The following DLGAP2 variants were observed in gnomAD, a reference collection of about 807,000 sequenced individuals.
DLGAP2 encodes disks large-associated protein 2.
A neutral mutation model predicts 100.3 loss-of-function variants in DLGAP2; 26 were observed. That is an observed-to-expected ratio of 0.26 (90% CI 0.19 to 0.36). DLGAP2 has a LOEUF of 0.36. DLGAP2 is among the 10% of genes least tolerant of loss of function. The pLI is 1.00. For synonymous variants in DLGAP2, 886 were observed against 630.1 expected (o/e 1.41, Z -6.08); for missense variants, 1,858 against 1,453.2 (o/e 1.28, Z -4.53).
At chr8:980,899 A>C (rs1021438207) in intron 2 of DLGAP2, among the ~76,000 whole-genome samples, 2 of 152,182 alleles carry the variant, frequency 1.3e-5, no homozygotes, top group African/African-American at 4.8e-5. Context: ...AGGAGCTGAG[A>C]CATTCGTGTG....
chr8:1,219,143 A>G (rs1253506544), intron 2 of DLGAP2, among the ~76,000 whole-genome samples: 4 of 152,224 alleles, frequency 2.6e-5, no homozygotes, highest in Non-Finnish European at 4.4e-5. Context: ...TCTGGCAAGG[A>G]CTTCCAGTAC....
chr8:953,206 T>C (rs1799522259), intron 2 of DLGAP2, among the ~76,000 whole-genome samples: 1 of 152,182 alleles, frequency 6.6e-6, no homozygotes, highest in Non-Finnish European at 1.5e-5. Flanking sequence ...TCTTTTTTCT[T>C]TTTTTTGAGA....
Position 1,697,185 on chromosome 8 carries a change from G to C in DLGAP2, c.2835G>C (p.Leu945=), listed in dbSNP as rs1319652913. 6.2e-7 allele frequency: 1 copy of C among 1,608,682 alleles called. No individual in the cohort carries two copies. The highest frequency in any genetic ancestry group is 1.3e-5 in the African/African-American group (1 of 74,834). The change falls in exon 14 of 15, where the codon CTG becomes CTC. Residue 945 remains leucine (L), a synonymous_variant. Coordinates refer to ENST00000637795, the MANE Select transcript of DLGAP2 (RefSeq NM_001346810.2). Reference sequence around the variant, plus strand: ...TGCCGAGGCCGACGTCGCAGGACCTGGCCGGCTACTGGGACATGCTGCAGC... The same window carrying C: ...TGCCGAGGCCGACGTCGCAGGACCTCGCCGGCTACTGGGACATGCTGCAGC... ...SAMPRPTSQD[L]AGYWDMLQLS... is the part of the protein sequence containing the mutation.
At chr8:1,040,622 G>T (rs1361929876) in intron 2 of DLGAP2, among the ~76,000 whole-genome samples, 4 of 141,296 alleles carry the variant, frequency 2.8e-5, no homozygotes, top group Non-Finnish European at 6.1e-5. Context: ...GTGCGTGGTC[G>T]GCTCGATTTC....
At chr8:1,214,282 A>T (rs1798167046) in intron 2 of DLGAP2, among the ~76,000 whole-genome samples, 1 of 152,112 alleles carries the variant, frequency 6.6e-6, no homozygotes, top group African/African-American at 2.4e-5. Context: ...GTAGGACACC[A>T]CAGCTCCAGG....
chr8:972,995 T>C (rs1408000002), intron 2 of DLGAP2, among the ~76,000 whole-genome samples: 3 of 152,252 alleles, frequency 2.0e-5, no homozygotes, highest in Non-Finnish European at 4.4e-5. Context: ...CAGAACAAAA[T>C]GGAGTCCCCT....
chr8:980,974 G>T (rs1800315215), intron 2 of DLGAP2, among the ~76,000 whole-genome samples: 1 of 151,976 alleles, frequency 6.6e-6, no homozygotes, highest in South Asian at 2.1e-4. Context: ...CAGTTCAATG[G>T]TATTAATTAT....
chr8:1,125,657 C>T (rs1796147551), intron 2 of DLGAP2, among the ~76,000 whole-genome samples: 1 of 152,022 alleles, frequency 6.6e-6, no homozygotes, highest in African/African-American at 2.4e-5. Context: ...ATAAAAATAC[C>T]CATCACAAAT....
intron 3 of DLGAP2, among the ~76,000 whole-genome samples, chr8:1,261,028 A>G (rs1333038410): frequency 2.0e-5 from 3 of 152,220 alleles, no homozygotes; most frequent in African/African-American, 7.2e-5. Context: ...TGAGGAGGGG[A>G]GGAAACGTGT....
At chr8:1,349,020 G>A (rs1019806617) in intron 3 of DLGAP2, among the ~76,000 whole-genome samples, 20 of 151,764 alleles carry the variant, frequency 1.3e-4, no homozygotes, top group African/African-American at 4.8e-4. Context: ...GGAACTCATG[G>A]TGAGATAAAT....
In DLGAP2 at chr8:782,332, AT is replaced by A. The variant is rs201025221; in HGVS notation, c.18+44514del. On this transcript the variant is annotated intron_variant, in intron 1 of 14. Coordinates refer to ENST00000637795, the MANE Select transcript of DLGAP2 (RefSeq NM_001346810.2). The stretch of plus-strand genomic sequence containing the variant: ...AGTATCTTGATAGAATTTTAGCTTG[AT>A]TTTTTTAAAAAAATCATGTAAAACT... 3.2e-4 allele frequency among the ~76,000 whole-genome samples: 48 copies of A among 152,088 alleles called. 2 individuals carry two copies. The highest frequency in any genetic ancestry group is 3.8e-4 in the Non-Finnish European group (26 of 68,010).
At chr8:804,925 T>C (rs1395582458) in intron 1 of DLGAP2, among the ~76,000 whole-genome samples, 1 of 152,032 alleles carries the variant, frequency 6.6e-6, no homozygotes, top group Admixed American at 6.6e-5. Context: ...CCACCACACC[T>C]GGCTAATTTT....
At chr8:1,023,855 ATATG>A (rs1037505245) in intron 2 of DLGAP2, among the ~76,000 whole-genome samples, 8 of 59,390 alleles carry the variant, frequency 1.3e-4, no homozygotes, top group South Asian at 5.8e-4. Context: ...CAAACTTTAT[ATATG>A]TGTGTGTGTG....
chr8:1,490,888 G>T (rs189690141), intron 3 of DLGAP2, among the ~76,000 whole-genome samples: 2 of 151,142 alleles, frequency 1.3e-5, no homozygotes, highest in African/African-American at 4.9e-5. Context: ...GTGGGGGGAC[G>T]GGGGAGGGAT....
At chr8:1,617,695 G>C (rs1359838281) in intron 6 of DLGAP2, among the ~76,000 whole-genome samples, 1 of 152,240 alleles carries the variant, frequency 6.6e-6, no homozygotes, top group East Asian at 1.9e-4. Flanking sequence ...TTCTTTTGCT[G>C]TGCAGAAGCT....
intron 1 of DLGAP2, among the ~76,000 whole-genome samples, chr8:815,551 G>T (rs1417556066): frequency 6.6e-6 from 1 of 152,180 alleles, no homozygotes; most frequent in Non-Finnish European, 1.5e-5. Flanking sequence ...TCAATATTCT[G>T]ATGTATCTCT....
At chr8:1,339,114 C>T (rs760398433) in intron 3 of DLGAP2, among the ~76,000 whole-genome samples, 16 of 116,786 alleles carry the variant, frequency 1.4e-4, no homozygotes, top group South Asian at 2.9e-4. Context: ...CGTCAGGACC[C>T]GGGAGGGAAT....
intron 2 of DLGAP2, among the ~76,000 whole-genome samples, chr8:1,249,213 G>C (rs1798983105): frequency 6.6e-6 from 1 of 152,140 alleles, no homozygotes; most frequent in African/African-American, 2.4e-5. Flanking sequence ...CACAGGCTCA[G>C]AACTCTTAGC....
intron 5 of DLGAP2, among the ~76,000 whole-genome samples, chr8:1,564,531 T>C (rs953387837): frequency 2.0e-5 from 3 of 152,248 alleles, no homozygotes; most frequent in Non-Finnish European, 4.4e-5. Context: ...CTCTCAGCTC[T>C]GTGCAAGGCA....
Sources: gnomAD v4.1 joint callset for allele counts (sites outside exome capture counted in the v4.1 genomes callset) on GRCh38, gnomAD v4.1.1 for gene constraint, MANE v1.5 for transcripts, NCBI Gene and HGNC (gene_info 2026-07-23, HGNC 2026-07-21) for gene names.